Variants in TPD52 observed in about 807,000 individuals in gnomAD.
The protein encoded by TPD52 is prostate and colon associated protein.
Under a neutral mutation model 31.3 loss-of-function variants are expected in TPD52, and 17 were observed. The ratio of observed to expected loss-of-function variants is 0.54; its 90% CI spans 0.37 to 0.82. TPD52 has a LOEUF of 0.82. Ranked by LOEUF, TPD52 falls within the 40% of genes least tolerant of loss-of-function variation. TPD52 has a pLI of 0.00. For missense variants in TPD52, 212 were observed against 240.1 expected, an observed-to-expected ratio of 0.88 and a Z score of 0.77; for synonymous variants, 83 against 89.6, an observed-to-expected ratio of 0.93 and a Z score of 0.42.
intron 1 of TPD52, among the ~76,000 whole-genome samples, chr8:80,141,724 A>G (rs1175277595): frequency 1.3e-5 from 2 of 152,170 alleles, no homozygotes; most frequent in Non-Finnish European, 2.9e-5. Context: ...ATCCTGGCCA[A>G]CATGGTGAAA....
At position 80,050,486 on chromosome 8, in the gene TPD52, A is replaced by C. The variant is rs1329380118; in HGVS notation, c.387-15T>G. On this transcript the variant is annotated splice_polypyrimidine_tract_variant and intron_variant, in intron 4 of 7. Transcript: ENST00000518937. ...AGGCTTGCAATCTGTAAGAAGCCAG[A>C]GTAAGCATTAAAAAAGAAAGAAGTT... 2 of 1,599,934 alleles carry C rather than the reference A, an allele frequency of 1.3e-6. No individual in the cohort carries two copies.
intron 1 of TPD52, among the ~76,000 whole-genome samples, chr8:80,135,676 T>C (rs1043215307): frequency 6.7e-6 from 1 of 149,996 alleles, no homozygotes; most frequent in Non-Finnish European, 1.5e-5. Flanking sequence ...TAAAGACACA[T>C]GCACACGTAT....
At chr8:80,031,489 C>A (rs184052548), downstream of TPD52, among the ~76,000 whole-genome samples, 1 of 152,302 alleles carries the variant, frequency 6.6e-6, no homozygotes, top group African/African-American at 2.4e-5. Context: ...TTATTTTCTA[C>A]GGATAGTGCT....
chr8:80,155,549 A>G (rs1163893306), intron 1 of TPD52, among the ~76,000 whole-genome samples: 1 of 152,200 alleles, frequency 6.6e-6, no homozygotes, highest in Non-Finnish European at 1.5e-5. Context: ...GGAAAAGTAG[A>G]GAAAATCTTT....
rs1041524713 is a variant in TPD52 at position 80,088,885 on chromosome 8, C to T, written c.20-24292G>A. Among the ~76,000 whole-genome samples, 7 of 152,054 alleles carry T rather than the reference C, an allele frequency of 4.6e-5. No homozygotes were observed. In the East Asian group the frequency reaches 5.8e-4, roughly 13 times the overall value. ...TAATTTTTTGTATTTTTAGTAGAGACGGGGTTTCACTGCATTAGCCAGGAT... is the reference window on the plus strand; with the variant it reads ...TAATTTTTTGTATTTTTAGTAGAGATGGGGTTTCACTGCATTAGCCAGGAT... On this transcript the variant is annotated intron_variant, in intron 1 of 7. Transcript: ENST00000518937.
chr8:80,086,106 T>C (rs1815736348), intron 1 of TPD52, among the ~76,000 whole-genome samples: 1 of 149,034 alleles, frequency 6.7e-6, no homozygotes, highest in South Asian at 2.1e-4. Context: ...TTTTGCTTTT[T>C]TTTTTTTTTA....
chr8:80,099,858 G>C (rs931778646), intron 1 of TPD52, among the ~76,000 whole-genome samples: 4 of 152,176 alleles, frequency 2.6e-5, no homozygotes, highest in African/African-American at 9.6e-5. Context: ...TCTATTGAAT[G>C]CAGAAGTAGA....
chr8:80,145,410 A>G (rs921502958), intron 1 of TPD52, among the ~76,000 whole-genome samples: 8 of 152,218 alleles, frequency 5.3e-5, no homozygotes, highest in African/African-American at 1.9e-4. Flanking sequence ...TTCACGGGAA[A>G]GTTGCCTATG....
At chr8:80,160,253 T>A (rs1327624426) in intron 1 of TPD52, among the ~76,000 whole-genome samples, 1 of 152,118 alleles carries the variant, frequency 6.6e-6, no homozygotes, top group Non-Finnish European at 1.5e-5. Context: ...GACAACAGAT[T>A]TGGAACGAAG....
At chr8:80,058,292 T>C in intron 2 of TPD52, among the ~76,000 whole-genome samples, 1 of 152,218 alleles carries the variant, frequency 6.6e-6, no homozygotes, top group East Asian at 1.9e-4. Flanking sequence ...TACATGAAGG[T>C]ATTTTCATCA....
intron 1 of TPD52, among the ~76,000 whole-genome samples, chr8:80,165,635 C>T (rs1167013399): frequency 1.3e-5 from 2 of 152,178 alleles, no homozygotes; most frequent in Non-Finnish European, 2.9e-5. Flanking sequence ...GAAGTCCAAG[C>T]CCAAAGAAAT....
Position 80,171,438 on chromosome 8 carries a change from G to C in TPD52, c.6C>G (p.Asp2Glu). The change falls in exon 1 of 8, where the codon GAC becomes GAG. Residue 2 changes from aspartate (D) to glutamate (E), a missense_variant. Physicochemically the swap from Asp to Glu is conservative, Grantham distance 45. Coordinates refer to ENST00000518937, the MANE Select transcript of TPD52 (RefSeq NM_001025253.3). MDRGEQGLLRTD... is the reference protein window; with the variant it reads MERGEQGLLRTD... ...CCGCGCCCTCACCTTGCTCGCCGCG[G>C]TCCATGTCTCCAGCCCGCCGCCTCG... 1 of 1,594,300 alleles carries C rather than the reference G, an allele frequency of 6.3e-7. No individual in the cohort carries two copies. The highest frequency in any genetic ancestry group is 8.5e-7 in the Non-Finnish European group (1 of 1,177,532).
intron 2 of TPD52, among the ~76,000 whole-genome samples, chr8:80,059,463 A>C (rs1381663991): frequency 3.2e-5 from 1 of 31,196 alleles, no homozygotes; most frequent in African/African-American, 6.9e-5. Context: ...TAGATATTAG[A>C]GTAAAGATAA....
At chr8:80,128,763 A>G (rs1367725532) in intron 1 of TPD52, among the ~76,000 whole-genome samples, 1 of 151,988 alleles carries the variant, frequency 6.6e-6, no homozygotes, top group Non-Finnish European at 1.5e-5. Flanking sequence ...AGATATTAAG[A>G]TGTAATACTG....
rs1491086826 is a variant in TPD52, at chr8:80,046,376, ATC to A, written c.414-2170_414-2169del. 1.6e-3 allele frequency among the ~76,000 whole-genome samples: 238 copies of A among 152,322 alleles called. 1 individual carries two copies. Among genetic ancestry groups the A allele is most frequent in the South Asian group, 5.0e-3 (24 of 4,824 alleles). On this transcript the variant is annotated intron_variant, in intron 5 of 7. Transcript: ENST00000518937. ...AGGAGCACACATCAGCTTCAATTCT[ATC>A]TGGTTGCTGGATCCTCCCCATAATC...
At chr8:80,081,954 C>T (rs1586259160) in intron 1 of TPD52, among the ~76,000 whole-genome samples, 1 of 152,142 alleles carries the variant, frequency 6.6e-6, no homozygotes. Flanking sequence ...CAGGCACCCA[C>T]CACCCACTAT....
intron 6 of TPD52, among the ~76,000 whole-genome samples, 158 bp downstream of exon 6, chr8:80,044,009 C>A (rs1810604695): frequency 4.6e-5 from 7 of 152,190 alleles, no homozygotes; most frequent in Admixed American, 4.6e-4. Flanking sequence ...CCCATCCCAA[C>A]ATCAGAGGAA....
chr8:80,093,204 AG>A (rs962785584), intron 1 of TPD52, among the ~76,000 whole-genome samples: 2 of 152,220 alleles, frequency 1.3e-5, no homozygotes, highest in African/African-American at 4.8e-5. Flanking sequence ...AACAGAGTCC[AG>A]AATAATGGCT....
intron 1 of TPD52, among the ~76,000 whole-genome samples, chr8:80,095,491 T>G (rs1414548138): frequency 6.6e-6 from 1 of 152,186 alleles, no homozygotes; most frequent in Non-Finnish European, 1.5e-5. Context: ...TGGACAACAC[T>G]AATAAAAACT....
Sources: gnomAD v4.1 joint callset for allele counts (sites outside exome capture counted in the v4.1 genomes callset) on GRCh38, gnomAD v4.1.1 for gene constraint, MANE v1.5 for transcripts, NCBI Gene and HGNC (gene_info 2026-07-23, HGNC 2026-07-21) for gene names.